Variants in PRKCZ observed in about 807,000 individuals in gnomAD.
PRKCZ encodes the protein protein kinase C zeta type.
Under a neutral mutation model 79.5 loss-of-function variants are expected in PRKCZ, and 33 were observed. The ratio of observed to expected loss-of-function variants is 0.41; its 90% CI spans 0.31 to 0.55. The LOEUF (loss-of-function observed/expected upper bound fraction) is 0.55, where lower values mean the gene tolerates loss of function less well. Among genes scored for constraint, PRKCZ ranks in the 20% least tolerant of loss-of-function variants. The pLI, the probability that PRKCZ is intolerant of heterozygous loss-of-function variation, is 0.19. For synonymous variants in PRKCZ, 342 were observed against 320.9 expected (o/e 1.07, Z -0.70); for missense variants, 578 against 813.5 (o/e 0.71, Z 3.52).
At position 2,174,074 on chromosome 1, in the gene PRKCZ, T is replaced by G; in HGVS notation, c.1405+58T>G. 1 of 1,518,456 alleles carries G rather than the reference T, an allele frequency of 6.6e-7. No homozygotes were observed. Among genetic ancestry groups the G allele is most frequent in the Non-Finnish European group, 8.9e-7 (1 of 1,126,340 alleles). The allele number at this position is 1,518,456 out of a possible 1,614,324, so 94.1% of individuals were successfully genotyped here. A position where few individuals can be genotyped will look rare whatever the true frequency, so the allele number is the denominator to read the frequency against. ...CCTGCACGACTGTCTTCCTTCCTTT[T>G]CAAAGGTGCAGGTGGAGGGGTCCCG... On this transcript the variant is annotated intron_variant, in intron 14 of 17. Transcript: ENST00000378567. The surrounding 1 kb of genome is among the most constrained non-coding windows in gnomAD (Gnocchi z 6.2).
chr1:2,093,555 C>G (rs963015994), intron 4 of PRKCZ, among the ~76,000 whole-genome samples: 3 of 152,138 alleles, frequency 2.0e-5, no homozygotes, highest in Non-Finnish European at 2.9e-5. Context: ...GCCAGTCTCC[C>G]TGGAAAAGGT....
chr1:2,118,713 C>CTG (rs770283606), intron 4 of PRKCZ, among the ~76,000 whole-genome samples: 18,293 of 120,472 alleles, frequency 0.15, 1,386 homozygotes, highest in Middle Eastern at 0.2. Context: ...CACACCAGCT[C>CTG]TGTGTGTGTG....
chr1:2,108,969 C>A (rs571677456), intron 4 of PRKCZ, among the ~76,000 whole-genome samples: 105 of 152,296 alleles, frequency 6.9e-4, no homozygotes, highest in African/African-American at 2.4e-3. Flanking sequence ...GCCGCCTGCC[C>A]CTTGGTGCAG....
intron 4 of PRKCZ, chr1:2,071,351 C>T (rs767956326): frequency 1.3e-5 from 6 of 467,006 alleles, no homozygotes; most frequent in Middle Eastern, 7.3e-4. Context: ...CAGGCCCCGG[C>T]GGCGTCTGAG....
chr1:2,070,628 C>T (rs866230755), intron 4 of PRKCZ, among the ~76,000 whole-genome samples: 5 of 152,132 alleles, frequency 3.3e-5, no homozygotes, highest in Middle Eastern at 6.8e-3. Context: ...TGGGCTCTCC[C>T]GGGCCGGTGG....
Position 2,148,854 on chromosome 1 carries a change from TCCTC to T in PRKCZ, c.635-13_635-10del, listed in dbSNP as rs775450578. 1 of 1,613,342 alleles carries T rather than the reference TCCTC, an allele frequency of 6.2e-7. No individual in the cohort carries two copies. Among genetic ancestry groups the T allele is most frequent in the African/African-American group, 1.3e-5 (1 of 75,004 alleles). ...TGACCACACCGTAACGCCCCTTCCTTCCTCCCTCTCTCACCAGTTGCTTACATTT... is the reference window on the plus strand; with the variant it reads ...TGACCACACCGTAACGCCCCTTCCTTCCTCTCTCACCAGTTGCTTACATTT... On this transcript the variant is annotated splice_polypyrimidine_tract_variant and intron_variant, in intron 7 of 17. Transcript: ENST00000378567.
chr1:2,150,666 C>T (rs1174595687), intron 8 of PRKCZ, 124 bp from the exon 9 acceptor site: 16 of 984,912 alleles, frequency 1.6e-5, no homozygotes, highest in South Asian at 1.2e-4. Flanking sequence ...AACTGAGACT[C>T]GAATCATGAG....
intron 4 of PRKCZ, among the ~76,000 whole-genome samples, chr1:2,130,150 C>G (rs1264554821): frequency 1.3e-5 from 2 of 152,214 alleles, no homozygotes; most frequent in African/African-American, 4.8e-5. Context: ...AAGTGATCCA[C>G]CTGCCTCGAC....
chr1:2,118,732 TGTGTGTGTGTGTGTGTGTGTGTGA>T (rs1232602296), intron 4 of PRKCZ, among the ~76,000 whole-genome samples: 203 of 148,114 alleles, frequency 1.4e-3, no homozygotes, highest in Non-Finnish European at 2.4e-3. Flanking sequence ...TGTGTGTGTG[TGTGTGTGTGTGTGTGTGTGTGTGA>T]GATGAGGGGA....
At chr1:2,159,576 G>C (rs757684826) in intron 10 of PRKCZ, among the ~76,000 whole-genome samples, 2 of 152,224 alleles carry the variant, frequency 1.3e-5, no homozygotes, top group Non-Finnish European at 2.9e-5. Flanking sequence ...GAGTGGGGAA[G>C]AATCAGAATT....
chr1:2,145,750 CA>C (rs967953996), intron 6 of PRKCZ, among the ~76,000 whole-genome samples: 1 of 151,620 alleles, frequency 6.6e-6, no homozygotes, highest in Non-Finnish European at 1.5e-5. Context: ...CCCATCTCTA[CA>C]AAAAAAATAC....
chr1:2,146,220 T>C (rs1571805462), intron 7 of PRKCZ, 112 bp downstream of exon 7: 1 of 1,088,330 alleles, frequency 9.2e-7, no homozygotes, highest in East Asian at 2.6e-5. Flanking sequence ...GCAGGGGTCA[T>C]TGTCTTCAAG....
intron 16 of PRKCZ, among the ~76,000 whole-genome samples, chr1:2,176,520 G>A (rs922716002): frequency 5.3e-5 from 8 of 152,230 alleles, no homozygotes; most frequent in South Asian, 2.1e-4. Flanking sequence ...TTCCAGCTGT[G>A]TAAATGGTTG....
At chr1:2,057,541 T>C (rs1660280340) in intron 3 of PRKCZ, among the ~76,000 whole-genome samples, 1 of 152,184 alleles carries the variant, frequency 6.6e-6, no homozygotes, top group Non-Finnish European at 1.5e-5. Context: ...ACACTTAATT[T>C]TCTTCGCCCT....
chr1:2,178,026 C>A lies in PRKCZ; in HGVS notation c.1575+2713C>A, dbSNP rs1685814435. Among the ~76,000 whole-genome samples the A allele has an allele frequency of 6.6e-6, 1 of 152,200 alleles. No homozygotes were observed. The highest frequency in any genetic ancestry group is 1.5e-5 in the Non-Finnish European group (1 of 68,030). ...TTTTGGCCAGATTGCTTTAGCTGTC[C>A]TCAGCAGGGTTGGTGTGGGGTCACC... On this transcript the variant is annotated intron_variant, in intron 16 of 17. Transcript: ENST00000378567. This position sits in a 1 kb window ranked among gnomAD's most constrained non-coding sequence, Gnocchi z 4.3.
At chr1:2,104,112 C>T (rs1033474922) in intron 4 of PRKCZ, among the ~76,000 whole-genome samples, 18 of 151,842 alleles carry the variant, frequency 1.2e-4, no homozygotes, top group African/African-American at 1.7e-4. Context: ...GTCTTGAGCG[C>T]GCCTGTAAGG....
intron 17 of PRKCZ, 39 bp from the exon 18 acceptor site, chr1:2,184,883 C>A: frequency 6.4e-7 from 1 of 1,557,030 alleles, no homozygotes; most frequent in East Asian, 2.3e-5. Context: ...GGAATGAACA[C>A]ACGGTCACCC....
At chr1:2,071,189 C>G in intron 4 of PRKCZ, 1 of 250,622 alleles carries the variant, frequency 4.0e-6, no homozygotes. Context: ...CCCCGTGCCT[C>G]AGTTTCCTCC....
At chr1:2,138,799 T>C (rs1676740619) in intron 5 of PRKCZ, among the ~76,000 whole-genome samples, 1 of 152,118 alleles carries the variant, frequency 6.6e-6, no homozygotes, top group Admixed American at 6.5e-5. Flanking sequence ...CCAGGCGTGG[T>C]GGCACGTGCC....
Sources: gnomAD v4.1 joint callset for allele counts (sites outside exome capture counted in the v4.1 genomes callset) on GRCh38, gnomAD v4.1.1 for gene constraint, Gnocchi (gnomAD v3.1) non-coding constraint, MANE v1.5 for transcripts, NCBI Gene and HGNC (gene_info 2026-07-23, HGNC 2026-07-21) for gene names.